PARD3: variants seen among roughly 807,000 people sequenced by gnomAD.
PARD3 encodes par-3 family cell polarity regulator.
Under a neutral mutation model 155.4 loss-of-function variants are expected in PARD3, and 75 were observed. The ratio of observed to expected loss-of-function variants is 0.48; its 90% CI spans 0.40 to 0.58. The LOEUF (loss-of-function observed/expected upper bound fraction) is 0.58, where lower values mean the gene tolerates loss of function less well. Among genes scored for constraint, PARD3 ranks in the 20% least tolerant of loss-of-function variants. The probability of loss-of-function intolerance (pLI) is 0.00; values close to 1 mark genes in which losing one functional copy is unlikely to be tolerated. For missense variants in PARD3, 1,642 were observed against 1,721.7 expected (o/e 0.95, Z 0.82); for synonymous variants, 576 against 610.5 (o/e 0.94, Z 0.83).
In PARD3 at chr10:34,328,407, T is replaced by C. The variant is rs552781738; in HGVS notation, c.2833+2710A>G. On this transcript the variant is annotated intron_variant, in intron 19 of 24. Coordinates refer to ENST00000374788, the MANE Select transcript of PARD3 (RefSeq NM_001184785.2). ...AGGGGGTACATAGAATCATGGAATG[T>C]TAAACTAGGAAGGACTTCGGAAACC... 9.2e-5 allele frequency among the ~76,000 whole-genome samples: 14 copies of C among 152,202 alleles called. No individual in the cohort carries two copies. In the South Asian group the frequency reaches 2.1e-3, roughly 23 times the overall value.
intron 2 of PARD3, among the ~76,000 whole-genome samples, chr10:34,663,486 T>C (rs901057483): frequency 3.3e-5 from 5 of 152,130 alleles, no homozygotes; most frequent in Non-Finnish European, 5.9e-5. Flanking sequence ...TTGGGGTAGA[T>C]ATCCCACTTA....
chr10:34,250,189 T>A (rs895782452), intron 22 of PARD3, among the ~76,000 whole-genome samples: 22 of 150,458 alleles, frequency 1.5e-4, no homozygotes, highest in African/African-American at 5.5e-4. Flanking sequence ...CCTAGAACTC[T>A]TAGCTTTAAG....
At chr10:34,653,256 A>T (rs1387884426) in intron 2 of PARD3, among the ~76,000 whole-genome samples, 1 of 152,186 alleles carries the variant, frequency 6.6e-6, no homozygotes, top group East Asian at 1.9e-4. Context: ...TGAGGAAAAC[A>T]GCCTGTTTCT....
intron 1 of PARD3, among the ~76,000 whole-genome samples, chr10:34,729,302 G>T (rs1345032827): frequency 6.6e-6 from 1 of 152,010 alleles, no homozygotes; most frequent in East Asian, 1.9e-4. Flanking sequence ...AGGTTGAGGT[G>T]GGCGGATCAC....
intron 22 of PARD3, among the ~76,000 whole-genome samples, chr10:34,143,560 T>C (rs1241625534): frequency 6.6e-6 from 1 of 152,204 alleles, no homozygotes; most frequent in African/African-American, 2.4e-5. Flanking sequence ...GACAGCATAA[T>C]TGCAAAACAC....
chr10:34,702,822 T>C (rs756760950), intron 1 of PARD3, among the ~76,000 whole-genome samples: 1 of 152,120 alleles, frequency 6.6e-6, no homozygotes, highest in Non-Finnish European at 1.5e-5. Context: ...AAGTTACCAT[T>C]AGTGCCTTAG....
chr10:34,478,078 A>G (rs1198618020), intron 3 of PARD3, among the ~76,000 whole-genome samples: 1 of 152,250 alleles, frequency 6.6e-6, no homozygotes, highest in Admixed American at 6.5e-5. Context: ...TGTGGAAGGC[A>G]GGGCAAGAAA....
intron 2 of PARD3, among the ~76,000 whole-genome samples, chr10:34,538,980 T>C (rs531884311): frequency 3.0e-4 from 45 of 152,360 alleles, no homozygotes; most frequent in Admixed American, 2.1e-3. Context: ...TTTCATAAGT[T>C]TGTTAGAAGT....
chr10:34,519,028 G>T (rs760278841), intron 2 of PARD3, among the ~76,000 whole-genome samples: 1 of 152,102 alleles, frequency 6.6e-6, no homozygotes, highest in Non-Finnish European at 1.5e-5. Context: ...AATGTATAAC[G>T]TCCATCTAAT....
intron 1 of PARD3, among the ~76,000 whole-genome samples, chr10:34,791,946 T>C (rs984745166): frequency 1.3e-5 from 2 of 152,082 alleles, no homozygotes; most frequent in African/African-American, 4.8e-5. Context: ...ACTGAATGTT[T>C]TGTTACACAC....
chr10:34,115,367 T>A (rs1946612135), intron 24 of PARD3, among the ~76,000 whole-genome samples: 1 of 152,182 alleles, frequency 6.6e-6, no homozygotes. Context: ...TATTTCTCTC[T>A]ACCAGTGCCT....
intron 2 of PARD3, among the ~76,000 whole-genome samples, chr10:34,606,771 C>T (rs1590207787): frequency 6.6e-6 from 1 of 151,532 alleles, no homozygotes; most frequent in East Asian, 1.9e-4. Flanking sequence ...AGATCGAGAC[C>T]ATCCTGCCAA....
chr10:34,720,303 T>C (rs528494373), intron 1 of PARD3, among the ~76,000 whole-genome samples: 1 of 152,022 alleles, frequency 6.6e-6, no homozygotes, highest in African/African-American at 2.4e-5. Flanking sequence ...GGTGTGGTGG[T>C]GGGTGCCTGT....
intron 5 of PARD3, among the ~76,000 whole-genome samples, chr10:34,438,634 T>C (rs1269852850): frequency 6.6e-6 from 1 of 151,948 alleles, no homozygotes; most frequent in Non-Finnish European, 1.5e-5. Flanking sequence ...TACCCAAAAG[T>C]ATATAAGGGT....
At chr10:34,694,408 CAAG>C (rs2094126891) in intron 2 of PARD3, among the ~76,000 whole-genome samples, 1 of 150,462 alleles carries the variant, frequency 6.6e-6, no homozygotes, top group African/African-American at 2.5e-5. Flanking sequence ...CTCAAAAGCC[CAAG>C]AAGGAGAAAC....
chr10:34,475,236 A>G (rs530767231), intron 3 of PARD3, among the ~76,000 whole-genome samples: 1 of 152,358 alleles, frequency 6.6e-6, no homozygotes, highest in East Asian at 1.9e-4. Flanking sequence ...ACACAACTCA[A>G]TTTTATGAAA....
rs76231738 is a variant in PARD3 at position 34,547,506 on chromosome 10, G to A, written c.223-30347C>T. The stretch of plus-strand genomic sequence containing the variant: ...TGGGCATCATTGCCAAGAACTCGTC[G>A]AGATTTATTACGTTGAGTTATACAG... On this transcript the variant is annotated intron_variant, in intron 2 of 24. Coordinates refer to ENST00000374788, the MANE Select transcript of PARD3 (RefSeq NM_001184785.2). Among the ~76,000 whole-genome samples the A allele has an allele frequency of 5.9e-3, 900 of 152,256 alleles. 6 individuals carry two copies. Among genetic ancestry groups the A allele is most frequent in the African/African-American group, 0.021 (861 of 41,540 alleles).
chr10:34,243,164 A>G (rs1176447704), intron 22 of PARD3, among the ~76,000 whole-genome samples: 2 of 152,206 alleles, frequency 1.3e-5, no homozygotes, highest in Non-Finnish European at 2.9e-5. Flanking sequence ...TTACCACTAT[A>G]ACAGATCACA....
intron 2 of PARD3, among the ~76,000 whole-genome samples, chr10:34,542,598 T>C (rs2083723167): frequency 6.6e-6 from 1 of 152,186 alleles, no homozygotes; most frequent in Non-Finnish European, 1.5e-5. Flanking sequence ...GTAGAACATA[T>C]ATGGATTTAT....
Sources: allele counts gnomAD v4.1 joint callset (sites outside exome capture counted in the v4.1 genomes callset), GRCh38; gene constraint gnomAD v4.1.1; transcripts MANE v1.5; gene names NCBI Gene and HGNC (gene_info 2026-07-23, HGNC 2026-07-21).